Variants in TTC29 observed in about 807,000 individuals in gnomAD.
TTC29 encodes tetratricopeptide repeat protein 29.
In TTC29, 49 loss-of-function variants were observed where a neutral mutation model predicts 58.1. The ratio of observed to expected loss-of-function variants is 0.84; its 90% CI spans 0.67 to 1.07. TTC29 has a LOEUF of 1.07. TTC29 is among the 50% of genes least tolerant of loss of function. The pLI, the probability that TTC29 is intolerant of heterozygous loss-of-function variation, is 0.00. For synonymous variants in TTC29, 209 were observed against 196.8 expected (o/e 1.06, Z -0.52); for missense variants, 582 against 555.6 (o/e 1.05, Z -0.48).
chr4:146,717,620 AAATTAT>A (rs1743030807), intron 11 of TTC29, among the ~76,000 whole-genome samples: 1 of 152,146 alleles, frequency 6.6e-6, no homozygotes. Flanking sequence ...GTACATTGAC[AAATTAT>A]AATTATATAT....
At chr4:146,812,075 T>C (rs1010889344) in intron 10 of TTC29, among the ~76,000 whole-genome samples, 4 of 152,170 alleles carry the variant, frequency 2.6e-5, no homozygotes, top group Non-Finnish European at 4.4e-5. Context: ...GATATTTGTA[T>C]GCCAATGAAG....
intron 11 of TTC29, among the ~76,000 whole-genome samples, chr4:146,735,200 G>A (rs1010224145): frequency 4.6e-5 from 7 of 152,054 alleles, no homozygotes; most frequent in Non-Finnish European, 5.9e-5. Context: ...AAATGATGCA[G>A]GGACAACAGA....
intron 11 of TTC29, among the ~76,000 whole-genome samples, chr4:146,722,583 T>C (rs1320930537): frequency 6.6e-6 from 1 of 152,102 alleles, no homozygotes; most frequent in Non-Finnish European, 1.5e-5. Context: ...AAAGACTCCT[T>C]ATTCAATAAA....
rs368231346 is a variant in TTC29 at position 146,707,511 on chromosome 4, G to A, written c.1371C>T (p.Asn457=). The A allele has an allele frequency of 2.7e-5, 44 of 1,609,636 alleles. No individual in the cohort carries two copies. The highest frequency in any genetic ancestry group is 3.6e-5 in the Non-Finnish European group (43 of 1,178,524). ...RGSTVEAVSQ[N]SERLEELSRF... ...TACTGAGTTCTTCCAAACGTTCTGA[G>A]TTTTGAGATACAGCTTCCACTGTGG... The change falls in exon 12 of 13, where the codon AAC becomes AAT. Residue 457 remains asparagine, a synonymous_variant. Coordinates refer to ENST00000325106, the MANE Select transcript of TTC29 (RefSeq NM_031956.4).
intron 11 of TTC29, among the ~76,000 whole-genome samples, chr4:146,776,778 T>C (rs1579647071): frequency 6.6e-6 from 1 of 152,062 alleles, no homozygotes; most frequent in African/African-American, 2.4e-5. Flanking sequence ...TTGGCTGGAG[T>C]GGAGTACCGA....
intron 9 of TTC29, among the ~76,000 whole-genome samples, chr4:146,824,279 A>G (rs991317163): frequency 3.9e-5 from 6 of 152,336 alleles, no homozygotes; most frequent in Middle Eastern, 3.4e-3. Context: ...ATGTTCCATC[A>G]ATACCCAGTT....
intron 11 of TTC29, among the ~76,000 whole-genome samples, chr4:146,750,871 G>A (rs73855645): frequency 0.048 from 7,355 of 152,130 alleles, 611 homozygotes; most frequent in African/African-American, 0.17. Flanking sequence ...TACCTATATC[G>A]ATAATAACTT....
intron 11 of TTC29, among the ~76,000 whole-genome samples, chr4:146,783,799 G>A (rs1293720817): frequency 6.6e-6 from 1 of 151,922 alleles, no homozygotes; most frequent in East Asian, 1.9e-4. Flanking sequence ...ATGTTAAACA[G>A]TACCATTTTT....
At chr4:146,914,890 G>A (rs62328054) in intron 4 of TTC29, among the ~76,000 whole-genome samples, 42,505 of 151,974 alleles carry the variant, frequency 0.28, 6,460 homozygotes, top group South Asian at 0.41. Context: ...CTCCACAGCA[G>A]GTGAATATAT....
intron 9 of TTC29, among the ~76,000 whole-genome samples, chr4:146,828,591 C>G (rs1213341885): frequency 3.3e-5 from 5 of 151,902 alleles, no homozygotes; most frequent in Admixed American, 3.3e-4. Context: ...TTAGATTTGG[C>G]CTGCTGAGGA....
intron 11 of TTC29, among the ~76,000 whole-genome samples, chr4:146,800,661 T>C (rs1483392259): frequency 6.6e-6 from 1 of 152,232 alleles, no homozygotes; most frequent in African/African-American, 2.4e-5. Context: ...GGGGGGATAC[T>C]ACACATTTTG....
chr4:146,782,124 TTTTTA>T (rs1383715302), intron 11 of TTC29, among the ~76,000 whole-genome samples: 3 of 151,832 alleles, frequency 2.0e-5, no homozygotes, highest in Middle Eastern at 3.2e-3. Flanking sequence ...TCTATCTTTA[TTTTTA>T]TTTTGAGAAA....
chr4:146,816,295 C>T (rs1339383524), intron 10 of TTC29, among the ~76,000 whole-genome samples: 1 of 152,138 alleles, frequency 6.6e-6, no homozygotes, highest in East Asian at 1.9e-4. Context: ...AGGAGATGCT[C>T]CCTCATTAGA....
chr4:146,839,820 T>G (rs1728741504), intron 8 of TTC29, among the ~76,000 whole-genome samples: 1 of 151,904 alleles, frequency 6.6e-6, no homozygotes, highest in Admixed American at 6.6e-5. Flanking sequence ...TTGGTGCACC[T>G]CCTTTAACTT....
At chr4:146,923,430 A>G (rs1170646155) in intron 4 of TTC29, among the ~76,000 whole-genome samples, 2 of 151,826 alleles carry the variant, frequency 1.3e-5, no homozygotes, top group African/African-American at 4.8e-5. Context: ...AAATCTAGTA[A>G]CTTTAAATAA....
chr4:146,818,828 G>C (rs1162753461), intron 10 of TTC29, among the ~76,000 whole-genome samples: 1 of 151,576 alleles, frequency 6.6e-6, no homozygotes, highest in Non-Finnish European at 1.5e-5. Flanking sequence ...GTAAACTATC[G>C]CAAGGACAAA....
chr4:146,796,536 C>T (rs1337900715), intron 11 of TTC29, among the ~76,000 whole-genome samples: 1 of 152,002 alleles, frequency 6.6e-6, no homozygotes, highest in African/African-American at 2.4e-5. Context: ...ATAATGTCAA[C>T]ATCAACACCA....
At position 146,909,015 on chromosome 4, in the gene TTC29, C is replaced by T; in HGVS notation, c.400+11G>A. The T allele has an allele frequency of 6.2e-7, 1 of 1,611,622 alleles. No homozygotes were observed. Among genetic ancestry groups the T allele is most frequent in the African/African-American group, 1.3e-5 (1 of 74,982 alleles). ...CTCCTTCTGTGCTCTGCCCACAGTC[C>T]CACCACTTACCTTTCCTCTCAGCGT... On this transcript the variant is annotated intron_variant, in intron 5 of 12. Transcript: ENST00000325106.
chr4:146,796,086 A>G (rs984152731), intron 11 of TTC29, among the ~76,000 whole-genome samples: 2 of 152,154 alleles, frequency 1.3e-5, no homozygotes, highest in Non-Finnish European at 2.9e-5. Flanking sequence ...AAATAAAATC[A>G]GATTAGAGAA....
Sources: gnomAD v4.1 joint callset for allele counts (sites outside exome capture counted in the v4.1 genomes callset) on GRCh38, gnomAD v4.1.1 for gene constraint, MANE v1.5 for transcripts, NCBI Gene and HGNC (gene_info 2026-07-23, HGNC 2026-07-21) for gene names.